DPY19L2: variants seen among roughly 807,000 people sequenced by gnomAD.
DPY19L2 encodes the protein dpy-19 like 2.
A neutral mutation model predicts 97.9 loss-of-function variants in DPY19L2; 34 were observed. That is an observed-to-expected ratio of 0.35 (90% CI 0.26 to 0.46). DPY19L2 has a LOEUF of 0.46. Among genes scored for constraint, DPY19L2 ranks in the 20% least tolerant of loss-of-function variants. The probability of loss-of-function intolerance (pLI) is 1.00; values close to 1 mark genes in which losing one functional copy is unlikely to be tolerated. For missense variants in DPY19L2, 623 were observed against 911.4 expected, an observed-to-expected ratio of 0.68 and a Z score of 4.07; for synonymous variants, 230 against 307.9, an observed-to-expected ratio of 0.75 and a Z score of 2.65.
intron 19 of DPY19L2, among the ~76,000 whole-genome samples, chr12:63,574,940 T>A (rs1465789918): frequency 6.6e-6 from 1 of 152,010 alleles, no homozygotes; most frequent in Non-Finnish European, 1.5e-5. Flanking sequence ...GAACTTAATC[T>A]GCACTATAGA....
intron 16 of DPY19L2, 36 bp from the exon 17 acceptor site, chr12:63,583,872 G>A (rs1298369413): frequency 7.0e-6 from 11 of 1,573,152 alleles, no homozygotes; most frequent in Non-Finnish European, 9.6e-6. Context: ...ATTTACTGAA[G>A]GTCTTTTATA....
intron 16 of DPY19L2, among the ~76,000 whole-genome samples, chr12:63,587,630 A>G (rs1882032537): frequency 6.6e-6 from 1 of 150,894 alleles, no homozygotes; most frequent in Non-Finnish European, 1.5e-5. Flanking sequence ...GCTGGAGTGC[A>G]GTGGCAATCT....
intron 4 of DPY19L2, among the ~76,000 whole-genome samples, chr12:63,648,973 C>T (rs1396611348): frequency 2.0e-5 from 3 of 151,798 alleles, no homozygotes; most frequent in Non-Finnish European, 4.4e-5. Flanking sequence ...GAAAAGTTTA[C>T]CAGAGAAATA....
At chr12:63,641,961 T>C (rs1200487953) in intron 6 of DPY19L2, among the ~76,000 whole-genome samples, 2 of 152,132 alleles carry the variant, frequency 1.3e-5, no homozygotes, top group East Asian at 3.8e-4. Context: ...TAGATGTGAG[T>C]TGGTATTTCA....
chr12:63,594,464 A>AGAGT (rs1555189197), intron 15 of DPY19L2, among the ~76,000 whole-genome samples: 21 of 124,910 alleles, frequency 1.7e-4, no homozygotes, highest in South Asian at 2.6e-4. Context: ...AGAGAGAGAT[A>AGAGT]GTGTGTGTGT....
At chr12:63,654,741 A>C (rs1213308543) in intron 4 of DPY19L2, among the ~76,000 whole-genome samples, 1 of 152,174 alleles carries the variant, frequency 6.6e-6, no homozygotes, top group African/African-American at 2.4e-5. Flanking sequence ...AGAAGGAAGA[A>C]AAAGTCATCG....
At chr12:63,610,425 T>A (rs1886749922) in intron 11 of DPY19L2, among the ~76,000 whole-genome samples, 1 of 151,784 alleles carries the variant, frequency 6.6e-6, no homozygotes, top group Admixed American at 6.6e-5. Context: ...AGGAACCACA[T>A]TTACTTTCTC....
intron 6 of DPY19L2, among the ~76,000 whole-genome samples, chr12:63,629,110 TG>T (rs1890116198): frequency 6.6e-6 from 1 of 151,632 alleles, no homozygotes; most frequent in South Asian, 2.1e-4. Flanking sequence ...ACCACAAAGA[TG>T]GGGAAAAAAC....
At chr12:63,658,233 G>A (rs534038253) in intron 4 of DPY19L2, among the ~76,000 whole-genome samples, 2 of 152,230 alleles carry the variant, frequency 1.3e-5, no homozygotes, top group Non-Finnish European at 1.5e-5. Context: ...GGTGGCTCAC[G>A]CCTGTAATCC....
At chr12:63,600,698 G>A (rs1455552913) in intron 12 of DPY19L2, among the ~76,000 whole-genome samples, 1 of 145,046 alleles carries the variant, frequency 6.9e-6, no homozygotes, top group Non-Finnish European at 1.5e-5. Context: ...TCCCCGTACA[G>A]AGACAGAGGA....
rs747922250 is a variant in DPY19L2, at chr12:63,570,804, G to C, written c.1954C>G (p.Leu652Val). The C allele has an allele frequency of 6.2e-7, 1 of 1,612,236 alleles. No individual in the cohort carries two copies. The highest frequency in any genetic ancestry group is 1.7e-5 in the Admixed American group (1 of 59,886). The change falls in exon 20 of 22, where the codon CTT (leucine) becomes GTT (valine). Residue 652 changes from leucine to valine, a missense_variant. By Grantham distance (32) the Leu-to-Val change is conservative. Transcript: ENST00000324472. ...PTMASIKLST[L>V]HPIVNHPHYE... ...TGTGGATGATTCACAATGGGATGAA[G>C]TGTAGACAGCTTGATGCTTGCCATT...
At chr12:63,565,283 A>G (rs1451304434) in intron 21 of DPY19L2, among the ~76,000 whole-genome samples, 2 of 152,106 alleles carry the variant, frequency 1.3e-5, no homozygotes, top group Non-Finnish European at 2.9e-5. Context: ...TTCTCTTTCA[A>G]AGTTTGGAGC....
At chr12:63,622,840 C>T (rs1043436202) in intron 8 of DPY19L2, among the ~76,000 whole-genome samples, 5 of 148,050 alleles carry the variant, frequency 3.4e-5, no homozygotes, top group African/African-American at 7.3e-5. Context: ...GCAGGAGAAT[C>T]GCTTGAACCC....
chr12:63,590,844 C>T (rs1264654968), intron 16 of DPY19L2, among the ~76,000 whole-genome samples: 2 of 152,030 alleles, frequency 1.3e-5, no homozygotes, highest in Non-Finnish European at 2.9e-5. Context: ...AACCCGGAAC[C>T]CTCTGCCCAT....
At chr12:63,592,891 C>T (rs1883392794) in intron 16 of DPY19L2, among the ~76,000 whole-genome samples, 1 of 151,916 alleles carries the variant, frequency 6.6e-6, no homozygotes, top group Non-Finnish European at 1.5e-5. Flanking sequence ...ACCTACTCAT[C>T]TGACAAAGGG....
At chr12:63,604,726 AT>A (rs1240077225) in intron 12 of DPY19L2, among the ~76,000 whole-genome samples, 2 of 152,108 alleles carry the variant, frequency 1.3e-5, no homozygotes, top group African/African-American at 4.8e-5. Context: ...GTGAGCTTTT[AT>A]AGCCTTTTCA....
intron 6 of DPY19L2, among the ~76,000 whole-genome samples, chr12:63,629,939 A>G (rs1184787987): frequency 1.3e-5 from 2 of 152,184 alleles, no homozygotes; most frequent in East Asian, 3.8e-4. Context: ...AGAATTTTCA[A>G]CCCAGAACTT....
At chr12:63,659,326 A>C (rs1361341542) in intron 4 of DPY19L2, among the ~76,000 whole-genome samples, 1 of 152,162 alleles carries the variant, frequency 6.6e-6, no homozygotes, top group Non-Finnish European at 1.5e-5. Context: ...CATTGAAAAA[A>C]TACAAAACAT....
intron 19 of DPY19L2, among the ~76,000 whole-genome samples, chr12:63,572,696 C>T (rs1224967048): frequency 6.6e-6 from 1 of 152,114 alleles, no homozygotes; most frequent in African/African-American, 2.4e-5. Flanking sequence ...GCTTATATCA[C>T]ACCCCACCCC....
Sources: gnomAD v4.1 joint callset for allele counts (sites outside exome capture counted in the v4.1 genomes callset) on GRCh38, gnomAD v4.1.1 for gene constraint, MANE v1.5 for transcripts, NCBI Gene and HGNC (gene_info 2026-07-23, HGNC 2026-07-21) for gene names.